The following AGR3 variants were observed in gnomAD, a reference collection of about 807,000 sequenced individuals.
The protein encoded by AGR3 is anterior gradient 3, protein disulphide isomerase family member.
In AGR3, 37 loss-of-function variants were observed where a neutral mutation model predicts 24.5. That is an observed-to-expected ratio of 1.51 (90% CI 1.16 to 1.99). The LOEUF (loss-of-function observed/expected upper bound fraction) is 1.99. Ranked by LOEUF, AGR3 falls within the 30% of genes most tolerant of loss-of-function variation. The pLI, the probability that AGR3 is intolerant of heterozygous loss-of-function variation, is 0.00. For synonymous variants in AGR3, 75 were observed against 61.6 expected, an observed-to-expected ratio of 1.22 and a Z score of -1.02; for missense variants, 228 against 191.1, an observed-to-expected ratio of 1.19 and a Z score of -1.14.
In AGR3 at chr7:16,861,420, G is replaced by A. The variant is rs756796755; in HGVS notation, c.331C>T (p.Pro111Ser). 1 of 1,610,898 alleles carries A rather than the reference G, an allele frequency of 6.2e-7. No homozygotes were observed. Among genetic ancestry groups the A allele is most frequent in the Admixed American group, 1.7e-5 (1 of 59,720 alleles). The change falls in exon 6 of 8, where the codon CCT becomes TCT. Residue 111 changes from proline (P) to serine (S), a missense_variant. Coordinates refer to ENST00000310398, the MANE Select transcript of AGR3 (RefSeq NM_176813.5). ...MHETTDKNLS[P>S]DGQYVPRIMF... The stretch of plus-strand genomic sequence containing the variant: ...ATTCTAGGCACATATTGCCCATCAG[G>A]TGATAAATTCTTATCAGTGGTTTCA...
chr7:16,876,646 G>A (rs1414277522), intron 2 of AGR3, among the ~76,000 whole-genome samples: 4 of 152,070 alleles, frequency 2.6e-5, no homozygotes, highest in South Asian at 2.1e-4. Flanking sequence ...GCAATAGATG[G>A]TAAAAGACTT....
At chr7:16,865,673 A>C in intron 3 of AGR3, 1 of 803,028 alleles carries the variant, frequency 1.2e-6, no homozygotes, top group East Asian at 2.5e-5. Flanking sequence ...ATGATCTCCA[A>C]GCATTTGTAA....
chr7:16,861,691 A>G (rs984546672), intron 5 of AGR3, among the ~76,000 whole-genome samples: 6 of 151,870 alleles, frequency 4.0e-5, no homozygotes, highest in Admixed American at 1.3e-4. Context: ...ACCTGAGGTC[A>G]GGAGTTTGAG....
chr7:16,865,004 C>T, intron 3 of AGR3: 1 of 912,582 alleles, frequency 1.1e-6, no homozygotes, highest in South Asian at 1.3e-5. Flanking sequence ...ACTACCTCCT[C>T]AGGTTCAACA....
rs545604702 is a variant in AGR3 at position 16,873,690 on chromosome 7, C to T, written c.173+90G>A. ...ATCACTACACATTGTGTACATGTATCAGCATATCACTCTATATTCCATAAA... is the reference window on the plus strand; with the variant it reads ...ATCACTACACATTGTGTACATGTATTAGCATATCACTCTATATTCCATAAA... On this transcript the variant is annotated intron_variant, in intron 3 of 7. Coordinates refer to ENST00000310398, the MANE Select transcript of AGR3 (RefSeq NM_176813.5). The T allele has an allele frequency of 9.4e-6, 9 of 958,286 alleles. No individual in the cohort carries two copies. The Admixed American group carries it at 1.6e-4, about 17-fold the overall frequency. 59.4% of individuals were successfully genotyped at this position (958,286 alleles called of 1,614,324 possible). A position where few individuals can be genotyped will look rare whatever the true frequency, so the allele number is the denominator to read the frequency against.
At chr7:16,856,173 C>A (rs188759693), downstream of AGR3, among the ~76,000 whole-genome samples, 340 of 152,260 alleles carry the variant, frequency 2.2e-3, 1 homozygote, top group African/African-American at 7.9e-3. Flanking sequence ...TTTATCCAGT[C>A]TATCTTTGGA....
intron 6 of AGR3, 46 bp from the exon 7 acceptor site, chr7:16,860,629 C>A: frequency 7.6e-7 from 1 of 1,316,096 alleles, no homozygotes; most frequent in South Asian, 1.2e-5. Flanking sequence ...TTAGCATGTT[C>A]TTTTCTTTAC....
chr7:16,865,999 C>T (rs921535241), intron 3 of AGR3: 12 of 660,326 alleles, frequency 1.8e-5, no homozygotes, highest in Non-Finnish European at 2.8e-5. Flanking sequence ...CATGCACAGC[C>T]AAGTTCATGC....
At chr7:16,857,561 A>G (rs74636965), downstream of AGR3, among the ~76,000 whole-genome samples, 2,883 of 152,290 alleles carry the variant, frequency 0.019, 97 homozygotes, top group African/African-American at 0.066. Flanking sequence ...CATATGTTAA[A>G]CTATTAAATC....
chr7:16,855,563 T>G (rs1461421771), downstream of AGR3, among the ~76,000 whole-genome samples: 1 of 152,124 alleles, frequency 6.6e-6, no homozygotes, highest in Non-Finnish European at 1.5e-5. Context: ...AGATTGTGTG[T>G]GGGCATGGGT....
At chr7:16,858,474 T>C (rs1449457783), downstream of AGR3, among the ~76,000 whole-genome samples, 1 of 152,216 alleles carries the variant, frequency 6.6e-6, no homozygotes, top group African/African-American at 2.4e-5. Context: ...AGAATAAATA[T>C]AATCCTTTCC....
intron 2 of AGR3, 115 bp downstream of exon 2, chr7:16,878,395 A>C (rs1215737614): frequency 9.0e-6 from 8 of 886,326 alleles, no homozygotes; most frequent in Non-Finnish European, 1.2e-5. Flanking sequence ...ACACACAACA[A>C]AAATCATTCA....
At chr7:16,868,711 A>G (rs574056873) in intron 3 of AGR3, among the ~76,000 whole-genome samples, 1 of 151,894 alleles carries the variant, frequency 6.6e-6, no homozygotes, top group South Asian at 2.1e-4. Flanking sequence ...AGGTCATATG[A>G]AAAAAAATCA....
At chr7:16,870,336 A>G (rs1781841737) in intron 3 of AGR3, among the ~76,000 whole-genome samples, 2 of 152,084 alleles carry the variant, frequency 1.3e-5, no homozygotes, top group African/African-American at 4.8e-5. Context: ...ATAAATTATC[A>G]TTTGCACATA....
chr7:16,874,223 G>A (rs1229178060), intron 2 of AGR3, among the ~76,000 whole-genome samples: 2 of 152,108 alleles, frequency 1.3e-5, no homozygotes, highest in Non-Finnish European at 2.9e-5. Flanking sequence ...AATCCTTTCG[G>A]CTGTACTCTA....
Position 16,879,528 on chromosome 7 carries a change from T to G in AGR3, c.-27-883A>C, listed in dbSNP as rs143801156. Among the ~76,000 whole-genome samples the G allele has an allele frequency of 3.5e-3, 540 of 152,348 alleles. 3 individuals carry two copies. Among genetic ancestry groups the G allele is most frequent in the African/African-American group, 0.013 (527 of 41,584 alleles). ...TAAAACTGATTTGAAAATGGTTGAC[T>G]CATGCAGTTTTGAAACTTTACCTCA... On this transcript the variant is annotated intron_variant, in intron 1 of 7. Coordinates refer to ENST00000310398, the MANE Select transcript of AGR3 (RefSeq NM_176813.5).
intron 5 of AGR3, among the ~76,000 whole-genome samples, 168 bp downstream of exon 5, chr7:16,861,816 G>A (rs1781649398): frequency 6.6e-6 from 1 of 151,234 alleles, no homozygotes; most frequent in Admixed American, 6.6e-5. Flanking sequence ...CAGGAGAACT[G>A]CTTGAACCAG....
Position 16,878,594 on chromosome 7 carries a change from G to A in AGR3, c.25C>T (p.Leu9Phe). The A allele has an allele frequency of 1.2e-6, 2 of 1,614,118 alleles. No homozygotes were observed. Among genetic ancestry groups the A allele is most frequent in the Non-Finnish European group, 1.7e-6 (2 of 1,179,998 alleles). The change falls in exon 2 of 8, where the codon CTC (leucine) becomes TTC (phenylalanine). Residue 9 changes from leucine (L) to phenylalanine (F), a missense_variant. Coordinates refer to ENST00000310398, the MANE Select transcript of AGR3 (RefSeq NM_176813.5). ...GAAACTGTGACGAGTAAGAGGCAGA[G>A]ACCCAAAGCTGAGTGTAGCATCATG... MMLHSALG[L>F]CLLLVTVSSN...
chr7:16,857,850 A>T (rs1781574996), downstream of AGR3, among the ~76,000 whole-genome samples: 1 of 152,196 alleles, frequency 6.6e-6, no homozygotes, highest in Non-Finnish European at 1.5e-5. Context: ...TCAAATGTTG[A>T]AATTACAGGT....
Sources: gnomAD v4.1 joint callset for allele counts (sites outside exome capture counted in the v4.1 genomes callset) on GRCh38, gnomAD v4.1.1 for gene constraint, MANE v1.5 for transcripts, NCBI Gene and HGNC (gene_info 2026-07-23, HGNC 2026-07-21) for gene names.